MCC: variants seen among roughly 807,000 people sequenced by gnomAD.
MCC encodes the protein colorectal mutant cancer protein.
In MCC, 90 loss-of-function variants were observed where a neutral mutation model predicts 116.2. That is an observed-to-expected ratio of 0.77 (90% CI 0.65 to 0.92). The LOEUF (loss-of-function observed/expected upper bound fraction) is 0.92. MCC is among the 40% of genes least tolerant of loss of function. MCC has a pLI of 0.00. For missense variants in MCC, 1,516 were observed against 1,312.2 expected (o/e 1.16, Z -2.40); for synonymous variants, 578 against 510.5 (o/e 1.13, Z -1.78).
intron 1 of MCC, among the ~76,000 whole-genome samples, chr5:113,423,038 T>C (rs1012242399): frequency 3.9e-5 from 6 of 152,208 alleles, no homozygotes; most frequent in African/African-American, 1.4e-4. Flanking sequence ...TTTGTGAATG[T>C]GGTCAGAGTG....
At position 113,340,629 on chromosome 5, in the gene MCC, C is replaced by A; in HGVS notation, c.517G>T (p.Glu173Ter). ...QSQSALQKLL[E>*]YGGSSLHQQA... is the part of the protein sequence containing the mutation. ...TGATGCAAAGAGCTTCCGCCATACT[C>A]GAGCAGCTTCTGGAGGGCTGACTGG... The change falls in exon 3 of 19, where the codon GAG (glutamate) becomes TAG (stop). Residue 173 changes from glutamate to a stop codon, truncating the protein, a stop_gained. Coordinates refer to ENST00000408903, the MANE Select transcript of MCC (RefSeq NM_001085377.2). LOFTEE classifies it high-confidence loss of function. 6.2e-7 allele frequency: 1 copy of A among 1,614,162 alleles called. No homozygotes were observed. The highest frequency in any genetic ancestry group is 8.5e-7 in the Non-Finnish European group (1 of 1,180,020).
intron 3 of MCC, among the ~76,000 whole-genome samples, chr5:113,173,552 CACA>C (rs1370549387): frequency 6.6e-6 from 1 of 152,158 alleles, no homozygotes; most frequent in Admixed American, 6.5e-5. Context: ...GGCTCTGGAT[CACA>C]ACACCACTAA....
At chr5:113,056,698 C>T (rs577537640) in intron 14 of MCC, among the ~76,000 whole-genome samples, 15 of 152,014 alleles carry the variant, frequency 9.9e-5, no homozygotes, top group African/African-American at 3.6e-4. Flanking sequence ...ATGTAACAAC[C>T]GTCCACATGT....
At chr5:113,336,627 G>A (rs1767875191) in intron 3 of MCC, among the ~76,000 whole-genome samples, 1 of 152,212 alleles carries the variant, frequency 6.6e-6, no homozygotes, top group South Asian at 2.1e-4. Context: ...TTCAGGCTCA[G>A]CACTAGACAC....
At chr5:113,038,362 C>G (rs968967635) in intron 17 of MCC, among the ~76,000 whole-genome samples, 3 of 152,212 alleles carry the variant, frequency 2.0e-5, no homozygotes, top group Non-Finnish European at 4.4e-5. Flanking sequence ...ACCACAATCC[C>G]TGGCCCTAAA....
At chr5:113,032,807 A>G (rs564860124) in intron 17 of MCC, among the ~76,000 whole-genome samples, 1 of 152,344 alleles carries the variant, frequency 6.6e-6, no homozygotes, top group African/African-American at 2.4e-5. Flanking sequence ...AAGCCAGCCA[A>G]AACAGCAAAC....
At position 113,082,919 on chromosome 5, in the gene MCC, T is replaced by C; in HGVS notation, c.1725A>G (p.Gly575=). ...QEIFQTLYSH[G]SAISESKIRE... Reference sequence around the variant, plus strand: ...TAATCTTGCTTTCTGAGATGGCAGATCCGTGTGAGTAGAGTGTTTGGAAAA... The same window carrying C: ...TAATCTTGCTTTCTGAGATGGCAGACCCGTGTGAGTAGAGTGTTTGGAAAA... Residue 575 remains glycine, a synonymous_variant, in exon 11 of 19, where the codon GGA becomes GGG. Transcript: ENST00000408903. 6.2e-7 allele frequency: 1 copy of C among 1,614,160 alleles called. No individual in the cohort carries two copies. Among genetic ancestry groups the C allele is most frequent in the Non-Finnish European group, 8.5e-7 (1 of 1,180,022 alleles).
intron 3 of MCC, among the ~76,000 whole-genome samples, chr5:113,160,092 C>G (rs2150296669): frequency 6.6e-6 from 1 of 152,210 alleles, no homozygotes; most frequent in Admixed American, 6.5e-5. Context: ...AGTGGGACAC[C>G]ATTTATACAA....
At chr5:113,262,640 C>T (rs1253804200) in intron 3 of MCC, among the ~76,000 whole-genome samples, 1 of 152,164 alleles carries the variant, frequency 6.6e-6, no homozygotes, top group African/African-American at 2.4e-5. Context: ...GATAAAGTAA[C>T]TAGTCCCCAG....
intron 3 of MCC, among the ~76,000 whole-genome samples, chr5:113,257,737 A>G (rs1044717673): frequency 2.0e-5 from 3 of 152,128 alleles, no homozygotes; most frequent in Non-Finnish European, 4.4e-5. Context: ...TGGGTGTGTG[A>G]AAGAAGAGTT....
At position 113,320,392 on chromosome 5, in the gene MCC, T is replaced by C. The variant is rs551549998; in HGVS notation, c.627+20127A>G. ...ATTCAGATTCATGTCAGGAAACAGA[T>C]TTTCAAATGGTGATAACATTGTACA... On this transcript the variant is annotated intron_variant, in intron 3 of 18. Transcript: ENST00000408903. Among the ~76,000 whole-genome samples, 6 of 151,052 alleles carry C rather than the reference T, an allele frequency of 4.0e-5. No homozygotes were observed. In the East Asian group the frequency reaches 1.2e-3, roughly 29 times the overall value.
At position 113,181,569 on chromosome 5, in the gene MCC, C is replaced by T. The variant is rs949651887; in HGVS notation, c.628-30147G>A. 2.6e-5 allele frequency among the ~76,000 whole-genome samples: 4 copies of T among 152,142 alleles called. No homozygotes were observed. In the South Asian group the frequency reaches 8.3e-4, roughly 32 times the overall value. On this transcript the variant is annotated intron_variant, in intron 3 of 18. Coordinates refer to ENST00000408903, the MANE Select transcript of MCC (RefSeq NM_001085377.2). ...ATCTTAGCTACCTTCTGACTGTGCACCTGCTGTCAGAAAAGTGGGGTCAAA... is the reference window on the plus strand; with the variant it reads ...ATCTTAGCTACCTTCTGACTGTGCATCTGCTGTCAGAAAAGTGGGGTCAAA...
intron 2 of MCC, among the ~76,000 whole-genome samples, chr5:113,380,787 A>G (rs1319779577): frequency 6.6e-6 from 1 of 152,204 alleles, no homozygotes; most frequent in Non-Finnish European, 1.5e-5. Context: ...GGAAATATTT[A>G]AGCCCGGTTA....
chr5:113,045,880 G>T (rs367903281), intron 16 of MCC, among the ~76,000 whole-genome samples: 6 of 151,890 alleles, frequency 4.0e-5, no homozygotes, highest in East Asian at 1.9e-4. Flanking sequence ...CTGCTTTTGC[G>T]CTAGCATTGG....
chr5:113,203,462 A>G (rs1159465215), intron 3 of MCC: 2 of 152,102 alleles, frequency 1.3e-5, no homozygotes, highest in Non-Finnish European at 2.9e-5. Context: ...TCCCTTATCA[A>G]TAAGAGCTTT....
At chr5:113,239,940 G>A (rs1764300435) in intron 3 of MCC, among the ~76,000 whole-genome samples, 1 of 152,118 alleles carries the variant, frequency 6.6e-6, no homozygotes, top group African/African-American at 2.4e-5. Context: ...CAGAGCTCAG[G>A]TTGAGCTTTA....
At position 113,340,630 on chromosome 5, in the gene MCC, G is replaced by C; in HGVS notation, c.516C>G (p.Leu172=). The C allele has an allele frequency of 1.2e-6, 2 of 1,614,114 alleles. No homozygotes were observed. Among genetic ancestry groups the C allele is most frequent in the Non-Finnish European group, 1.7e-6 (2 of 1,180,016 alleles). Residue 172 remains leucine, a synonymous_variant, in exon 3 of 19, where the codon CTC becomes CTG. Coordinates refer to ENST00000408903, the MANE Select transcript of MCC (RefSeq NM_001085377.2). ...GATGCAAAGAGCTTCCGCCATACTC[G>C]AGCAGCTTCTGGAGGGCTGACTGGC... ...VQSQSALQKL[L]EYGGSSLHQQ...
intron 3 of MCC, among the ~76,000 whole-genome samples, chr5:113,210,155 G>A (rs528515623): frequency 2.6e-5 from 4 of 152,198 alleles, no homozygotes; most frequent in Non-Finnish European, 4.4e-5. Flanking sequence ...TGTGGTGACA[G>A]AGCTGTGGGT....
At chr5:113,418,756 GAACA>G (rs1610938) in intron 1 of MCC, among the ~76,000 whole-genome samples, 13,570 of 152,124 alleles carry the variant, frequency 0.089, 892 homozygotes, top group Non-Finnish European at 0.12. Flanking sequence ...AGTGAAAGCA[GAACA>G]GACAGAAAAC....
Sources: gnomAD v4.1 joint callset for allele counts (sites outside exome capture counted in the v4.1 genomes callset) on GRCh38, gnomAD v4.1.1 for gene constraint, MANE v1.5 for transcripts, NCBI Gene and HGNC (gene_info 2026-07-23, HGNC 2026-07-21) for gene names.